GATAD2B: variants seen among roughly 807,000 people sequenced by gnomAD.
GATAD2B encodes GATA zinc finger domain containing 2B.
GATAD2B carries 8 observed loss-of-function variants against 64.3 expected under a neutral mutation model. The observed-to-expected ratio is 0.12, with a 90% CI of 0.07 to 0.22. The LOEUF is 0.22. Ranked by LOEUF, GATAD2B falls within the 10% of genes least tolerant of loss-of-function variation. GATAD2B has a pLI of 1.00. For synonymous variants in GATAD2B, 281 were observed against 271.3 expected (o/e 1.04, Z -0.35); for missense variants, 453 against 752.0 (o/e 0.60, Z 4.65).
At chr1:153,910,605 T>C (rs1678085707) in intron 1 of GATAD2B, among the ~76,000 whole-genome samples, 1 of 152,068 alleles carries the variant, frequency 6.6e-6, no homozygotes, top group Admixed American at 6.6e-5. Flanking sequence ...CCAGACGTGG[T>C]GGCGAGCACC....
At chr1:153,827,618 TA>T (rs1674930101) in intron 2 of GATAD2B, 1 of 182,784 alleles carries the variant, frequency 5.5e-6, no homozygotes, top group Non-Finnish European at 1.1e-5. Context: ...TTGGATGTAA[TA>T]AAAGCTGGGA....
In GATAD2B at chr1:153,817,417, T is replaced by C. The variant is rs1570928422; in HGVS notation, c.855A>G (p.Val285=). 1 of 1,609,404 alleles carries C rather than the reference T, an allele frequency of 6.2e-7. No individual in the cohort carries two copies. The highest frequency in any genetic ancestry group is 8.5e-7 in the Non-Finnish European group (1 of 1,178,310). The change falls in exon 6 of 11, where the codon GTA becomes GTG. Residue 285 remains valine, a synonymous_variant. Transcript: ENST00000368655. ...GQRGPPKPGL[V]RTTTPNMNPA... is the part of the protein sequence containing the mutation. ...GATTCATGTTGGGTGTTGTGGTGCG[T>C]ACAAGGCCAGGCTTAGGCGGGCCCC...
intron 1 of GATAD2B, among the ~76,000 whole-genome samples, chr1:153,862,725 CTTT>C (rs747632481): frequency 2.4e-5 from 3 of 127,154 alleles, no homozygotes; most frequent in Non-Finnish European, 1.7e-5. Flanking sequence ...TACTTTATTT[CTTT>C]TTTTTTTTTT....
At chr1:153,868,067 G>A (rs1676539175) in intron 1 of GATAD2B, among the ~76,000 whole-genome samples, 2 of 151,874 alleles carry the variant, frequency 1.3e-5, no homozygotes, top group South Asian at 4.2e-4. Flanking sequence ...CAGGCGTGGT[G>A]GTGCACACCT....
At chr1:153,877,348 A>G (rs114228540) in intron 1 of GATAD2B, among the ~76,000 whole-genome samples, 3,516 of 152,030 alleles carry the variant, frequency 0.023, 136 homozygotes, top group African/African-American at 0.078. Flanking sequence ...GTCTCTAATA[A>G]ATAAATAGAA....
At chr1:153,830,542 C>T (rs556308637) in intron 1 of GATAD2B, among the ~76,000 whole-genome samples, 2 of 139,382 alleles carry the variant, frequency 1.4e-5, no homozygotes, top group African/African-American at 5.2e-5. Flanking sequence ...GTGGCGGGAT[C>T]TCGGCTCACT....
intron 1 of GATAD2B, among the ~76,000 whole-genome samples, chr1:153,921,540 T>A (rs1479185318): frequency 2.6e-5 from 4 of 152,070 alleles, no homozygotes; most frequent in Admixed American, 1.3e-4. Context: ...ATATTAAGTA[T>A]CCTTCGCCTC....
In GATAD2B at chr1:153,822,536, G is replaced by A. The variant is rs185838126; in HGVS notation, c.336-2801C>T. 2.8e-3 allele frequency among the ~76,000 whole-genome samples: 419 copies of A among 152,226 alleles called. 9 individuals are homozygous for A. Among genetic ancestry groups the A allele is most frequent in the South Asian group, 2.7e-3 (13 of 4,818 alleles). On this transcript the variant is annotated intron_variant, in intron 2 of 10. Transcript: ENST00000368655. ...AGCCTCTCTGTTTTTCTTTTGAGTCGGAGTCTTGCACTGTCACCGGGGCTG... is the reference window on the plus strand; with the variant it reads ...AGCCTCTCTGTTTTTCTTTTGAGTCAGAGTCTTGCACTGTCACCGGGGCTG...
chr1:153,874,294 T>G (rs1557816392), intron 1 of GATAD2B, among the ~76,000 whole-genome samples: 2 of 151,780 alleles, frequency 1.3e-5, no homozygotes, highest in African/African-American at 4.8e-5. Flanking sequence ...GGAAAGAAAT[T>G]TATTTATTTT....
intron 1 of GATAD2B, among the ~76,000 whole-genome samples, chr1:153,920,984 C>G (rs566188640): frequency 6.6e-6 from 1 of 152,274 alleles, no homozygotes; most frequent in African/African-American, 2.4e-5. Flanking sequence ...ACAAAAAAAG[C>G]AGCACGATCC....
In GATAD2B at chr1:153,805,026, C is replaced by T. The variant is rs1309087964; in HGVS notation, c.*5151G>A. ...AAAAGGGTCTTGTTCCCCTCCCACCCACCCTATTCAGGGAAGGCCATTCCC... is the reference window on the plus strand; with the variant it reads ...AAAAGGGTCTTGTTCCCCTCCCACCTACCCTATTCAGGGAAGGCCATTCCC... On this transcript the variant is annotated 3_prime_UTR_variant, in exon 11 of 11. Transcript: ENST00000368655. 1.4e-5 allele frequency: 2 copies of T among 145,734 alleles called. No homozygotes were observed. Among genetic ancestry groups the T allele is most frequent in the African/African-American group, 5.1e-5 (2 of 39,070 alleles). The allele number at this position is 145,734 out of a possible 1,614,324, so 9.0% of individuals were successfully genotyped here.
chr1:153,859,183 C>T (rs1676187260), intron 1 of GATAD2B, among the ~76,000 whole-genome samples: 1 of 151,360 alleles, frequency 6.6e-6, no homozygotes, highest in Non-Finnish European at 1.5e-5. Flanking sequence ...GGCAACATAG[C>T]AAGATTCCAT....
chr1:153,828,603 T>C (rs1674969520), intron 1 of GATAD2B, among the ~76,000 whole-genome samples: 1 of 151,930 alleles, frequency 6.6e-6, no homozygotes, highest in East Asian at 1.9e-4. Flanking sequence ...TAAATCTACA[T>C]AAGCAAGGCC....
At chr1:153,882,001 A>AG (rs1491569751) in intron 1 of GATAD2B, among the ~76,000 whole-genome samples, 3 of 152,124 alleles carry the variant, frequency 2.0e-5, no homozygotes, top group Non-Finnish European at 2.9e-5. Flanking sequence ...CAAAAGAAAC[A>AG]GGGGGATGCT....
chr1:153,903,989 T>A (rs1194706822), intron 1 of GATAD2B, among the ~76,000 whole-genome samples: 1 of 150,974 alleles, frequency 6.6e-6, no homozygotes, highest in Non-Finnish European at 1.5e-5. Flanking sequence ...GTCTTAAAAA[T>A]AAATAGATAT....
At chr1:153,832,556 G>A (rs1027022978) in intron 1 of GATAD2B, among the ~76,000 whole-genome samples, 1 of 152,214 alleles carries the variant, frequency 6.6e-6, no homozygotes, top group African/African-American at 2.4e-5. Context: ...GCCAAGTCCT[G>A]ATGTAGAAGC....
intron 1 of GATAD2B, among the ~76,000 whole-genome samples, chr1:153,882,733 C>CCA (rs982504155): frequency 1.3e-5 from 2 of 151,662 alleles, no homozygotes; most frequent in Admixed American, 6.6e-5. Flanking sequence ...ATCCCACTTA[C>CCA]CACACACACA....
chr1:153,912,635 T>C lies in GATAD2B; in HGVS notation c.-2+10098A>G, dbSNP rs188769479. ...TGATGGCAACACATCAATCTAGCCA[T>C]GTAAATGTTAAAGAGTGATTGGAAA... is the stretch of plus-strand genomic sequence containing the variant. On this transcript the variant is annotated intron_variant, in intron 1 of 10. Transcript: ENST00000368655. 8.5e-5 allele frequency among the ~76,000 whole-genome samples: 13 copies of C among 152,328 alleles called. No individual in the cohort carries two copies. The South Asian group carries it at 1.7e-3, about 19-fold the overall frequency.
chr1:153,831,661 T>C (rs1258515638), intron 1 of GATAD2B, among the ~76,000 whole-genome samples: 1 of 152,182 alleles, frequency 6.6e-6, no homozygotes, highest in Non-Finnish European at 1.5e-5. Context: ...CACCTCCCAA[T>C]TTACCTCTGA....
Sources: gnomAD v4.1 joint callset for allele counts (sites outside exome capture counted in the v4.1 genomes callset) on GRCh38, gnomAD v4.1.1 for gene constraint, MANE v1.5 for transcripts, NCBI Gene and HGNC (gene_info 2026-07-23, HGNC 2026-07-21) for gene names.